Variants in SLC22A15 observed in about 807,000 individuals in gnomAD.
SLC22A15 encodes solute carrier family 22 member 15.
Under a neutral mutation model 62.7 loss-of-function variants are expected in SLC22A15, and 45 were observed. The ratio of observed to expected loss-of-function variants is 0.72; its 90% confidence interval spans 0.56 to 0.92. The LOEUF is 0.92. SLC22A15 is among the 40% of genes least tolerant of loss of function. SLC22A15 has a pLI of 0.00. For synonymous variants in SLC22A15, 264 were observed against 267.0 expected (o/e 0.99, Z 0.11); for missense variants, 622 against 665.6 (o/e 0.93, Z 0.72).
At chr1:116,042,124 A>G (rs959540707) in intron 8 of SLC22A15, among the ~76,000 whole-genome samples, 1 of 150,232 alleles carries the variant, frequency 6.7e-6, no homozygotes, top group Non-Finnish European at 1.5e-5. Context: ...TTGAGTGTGT[A>G]GCCTCCACTC....
At chr1:116,029,279 T>C (rs191410015) in intron 5 of SLC22A15, among the ~76,000 whole-genome samples, 47 of 152,324 alleles carry the variant, frequency 3.1e-4, no homozygotes, top group African/African-American at 1.1e-3. Flanking sequence ...TTTCAGTAGA[T>C]TTACTTTTTT....
chr1:116,007,249 C>A (rs973149795), intron 2 of SLC22A15, among the ~76,000 whole-genome samples: 1 of 152,216 alleles, frequency 6.6e-6, no homozygotes, highest in African/African-American at 2.4e-5. Flanking sequence ...CATGGACTGT[C>A]CCTGCTGCAC....
chr1:115,988,201 T>TAC (rs1654969578), intron 1 of SLC22A15, among the ~76,000 whole-genome samples: 1 of 152,212 alleles, frequency 6.6e-6, no homozygotes, highest in Non-Finnish European at 1.5e-5. Flanking sequence ...CCCACTCTGG[T>TAC]AGACAATGGA....
At chr1:116,030,135 G>T (rs1425193703) in intron 5 of SLC22A15, among the ~76,000 whole-genome samples, 3 of 152,186 alleles carry the variant, frequency 2.0e-5, no homozygotes, top group Non-Finnish European at 1.5e-5. Context: ...GATGGCCTTT[G>T]TTCCTGCTTT....
At chr1:115,985,219 T>C (rs908920620) in intron 1 of SLC22A15, among the ~76,000 whole-genome samples, 4 of 152,240 alleles carry the variant, frequency 2.6e-5, no homozygotes, top group Non-Finnish European at 1.5e-5. Context: ...ATTTTCTATG[T>C]TAGGTATGTT....
At chr1:116,032,079 G>T in intron 6 of SLC22A15, 5 of 985,326 alleles carry the variant, frequency 5.1e-6, no homozygotes, top group Non-Finnish European at 6.0e-6. Context: ...ATGATCCCTT[G>T]TACAGATGGG....
chr1:116,003,238 C>G (rs1256807371), intron 2 of SLC22A15, among the ~76,000 whole-genome samples: 3 of 152,002 alleles, frequency 2.0e-5, no homozygotes, highest in Non-Finnish European at 4.4e-5. Context: ...AAGACAAAGC[C>G]CTCTTTATTC....
intron 9 of SLC22A15, among the ~76,000 whole-genome samples, chr1:116,064,151 A>G (rs1658443674): frequency 6.6e-6 from 1 of 152,148 alleles, no homozygotes; most frequent in African/African-American, 2.4e-5. Flanking sequence ...TTAAGTGTAA[A>G]TTAATTAAAA....
At chr1:116,045,426 CTT>C (rs1657906998) in intron 8 of SLC22A15, among the ~76,000 whole-genome samples, 1 of 151,778 alleles carries the variant, frequency 6.6e-6, no homozygotes, top group Admixed American at 6.6e-5. Context: ...AGTTGAAGAA[CTT>C]AACTTACCTG....
At chr1:116,018,012 C>T (rs146661606) in intron 2 of SLC22A15, among the ~76,000 whole-genome samples, 5,896 of 152,238 alleles carry the variant, frequency 0.039, 133 homozygotes, top group African/African-American at 0.052. Flanking sequence ...CATAAATATA[C>T]GTGATATAAA....
chr1:116,017,330 C>T (rs1156817715), intron 2 of SLC22A15: 1 of 130,400 alleles, frequency 7.7e-6, no homozygotes, highest in African/African-American at 3.1e-5. Context: ...GTGATGGCAC[C>T]ACAGCACTCC....
intron 5 of SLC22A15, among the ~76,000 whole-genome samples, chr1:116,028,092 CTTTAA>C (rs1462657087): frequency 3.3e-5 from 5 of 152,130 alleles, no homozygotes; most frequent in Non-Finnish European, 2.9e-5. Context: ...TCTGACAGCT[CTTTAA>C]TTTATTTACT....
chr1:116,004,077 C>T (rs1655861758), intron 2 of SLC22A15, among the ~76,000 whole-genome samples: 1 of 152,292 alleles, frequency 6.6e-6, no homozygotes, highest in Non-Finnish European at 1.5e-5. Context: ...TCCTTAATTC[C>T]TGTTTTCCTG....
At chr1:116,026,152 G>T (rs533786506) in intron 4 of SLC22A15, among the ~76,000 whole-genome samples, 1 of 152,228 alleles carries the variant, frequency 6.6e-6, no homozygotes, top group South Asian at 2.1e-4. Flanking sequence ...GGTGGCTCAC[G>T]CCTGTAATCC....
chr1:116,046,406 A>G (rs1184469642), intron 8 of SLC22A15, among the ~76,000 whole-genome samples: 1 of 152,226 alleles, frequency 6.6e-6, no homozygotes. Flanking sequence ...TAAGGAAAAA[A>G]TAGGCAAAAG....
chr1:116,001,241 T>C (rs997675370), intron 2 of SLC22A15, among the ~76,000 whole-genome samples: 20 of 152,184 alleles, frequency 1.3e-4, no homozygotes, highest in Non-Finnish European at 2.1e-4. Context: ...TTCTTTTCTC[T>C]TGCTGCTTTT....
At chr1:116,000,853 T>C (rs2452548) in intron 2 of SLC22A15, among the ~76,000 whole-genome samples, 149,860 of 151,908 alleles carry the variant, frequency 0.99, 73,960 homozygotes, top group Middle Eastern at 1. Flanking sequence ...AGGATGGTCT[T>C]GATCTCCTGA....
In SLC22A15 at chr1:115,992,057, C is replaced by T; in HGVS notation, c.114C>T (p.Leu38=). 1 of 1,613,826 alleles carries T rather than the reference C, an allele frequency of 6.2e-7. No homozygotes were observed. Among genetic ancestry groups the T allele is most frequent in the Non-Finnish European group, 8.5e-7 (1 of 1,179,886 alleles). Residue 38 remains leucine (L), a synonymous_variant, in exon 2 of 12, where the codon CTC becomes CTT. Transcript: ENST00000369503. ...LQLYVATEAI[L]IALVGATPSY... is the part of the protein sequence containing the mutation. ...TCTACGTGGCCACGGAGGCCATCCT[C>T]ATTGCACTGGTTGGGGCCACGCCAT...
At chr1:116,041,712 G>A (rs1414424734) in intron 8 of SLC22A15, among the ~76,000 whole-genome samples, 1 of 152,170 alleles carries the variant, frequency 6.6e-6, no homozygotes, top group African/African-American at 2.4e-5. Context: ...CTGGAGAGTA[G>A]TAAGATACAC....
Sources: allele counts gnomAD v4.1 joint callset (sites outside exome capture counted in the v4.1 genomes callset), GRCh38; gene constraint gnomAD v4.1.1; transcripts MANE v1.5; gene names NCBI Gene and HGNC (gene_info 2026-07-23, HGNC 2026-07-21).